ERC1: variants seen among roughly 807,000 people sequenced by gnomAD.
The protein encoded by ERC1 is RAB6 interacting protein 2.
Under a neutral mutation model 132.0 loss-of-function variants are expected in ERC1, and 56 were observed. That is an observed-to-expected ratio of 0.42 (90% CI 0.34 to 0.53). ERC1 has a LOEUF of 0.53. Among genes scored for constraint, ERC1 ranks in the 20% least tolerant of loss-of-function variants. The pLI, the probability that ERC1 is intolerant of heterozygous loss-of-function variation, is 0.03. For synonymous variants in ERC1, 478 were observed against 476.1 expected, an observed-to-expected ratio of 1.00 and a Z score of -0.05; for missense variants, 1,202 against 1,349.9, an observed-to-expected ratio of 0.89 and a Z score of 1.72.
intron 8 of ERC1, among the ~76,000 whole-genome samples, chr12:1,151,298 A>G (rs1051474708): frequency 6.6e-6 from 1 of 152,220 alleles, no homozygotes; most frequent in African/African-American, 2.4e-5. Flanking sequence ...TTAAGGTTGT[A>G]TGAATTTATT....
At chr12:1,401,999 TGAGAAA>T (rs917581756) in intron 16 of ERC1, among the ~76,000 whole-genome samples, 5 of 152,106 alleles carry the variant, frequency 3.3e-5, no homozygotes, top group African/African-American at 7.2e-5. Context: ...ATAGGAGTTT[TGAGAAA>T]GACCATAGGG....
chr12:1,022,676 T>C (rs1313712327), intron 1 of ERC1, among the ~76,000 whole-genome samples: 2 of 152,162 alleles, frequency 1.3e-5, no homozygotes, highest in Non-Finnish European at 2.9e-5. Context: ...TTTTATTTTT[T>C]CTTTTTTGAG....
chr12:1,452,320 G>C (rs543246260), intron 18 of ERC1, among the ~76,000 whole-genome samples: 5 of 152,046 alleles, frequency 3.3e-5, no homozygotes, highest in South Asian at 4.2e-4. Flanking sequence ...TGGTTGGTTG[G>C]TTGATATACC....
intron 1 of ERC1, among the ~76,000 whole-genome samples, chr12:997,993 A>T (rs1024312946): frequency 1.3e-5 from 2 of 152,178 alleles, no homozygotes; most frequent in Admixed American, 1.3e-4. Flanking sequence ...TGTTATCATC[A>T]TTTAAACTTT....
intron 12 of ERC1, among the ~76,000 whole-genome samples, chr12:1,198,107 T>G (rs1956514033): frequency 6.6e-6 from 1 of 151,946 alleles, no homozygotes; most frequent in South Asian, 2.1e-4. Flanking sequence ...TGTATTTTTT[T>G]TGTAGAGATG....
At chr12:1,400,501 A>G (rs113852215) in intron 16 of ERC1, among the ~76,000 whole-genome samples, 278 of 152,110 alleles carry the variant, frequency 1.8e-3, no homozygotes, top group African/African-American at 6.1e-3. Flanking sequence ...TGCCTAACCC[A>G]GGCCTCAAAG....
chr12:1,265,707 A>C (rs1396965547), intron 14 of ERC1, among the ~76,000 whole-genome samples: 1 of 152,148 alleles, frequency 6.6e-6, no homozygotes, highest in African/African-American at 2.4e-5. Flanking sequence ...TTAAAGTATC[A>C]TGCCCCACCG....
intron 15 of ERC1, among the ~76,000 whole-genome samples, chr12:1,315,896 CATTT>C (rs1184614609): frequency 2.0e-5 from 3 of 151,342 alleles, no homozygotes; most frequent in Non-Finnish European, 2.9e-5. Flanking sequence ...AAATGGTAAA[CATTT>C]TTTTTTTTTG....
intron 15 of ERC1, among the ~76,000 whole-genome samples, chr12:1,311,877 A>G (rs1235353612): frequency 3.9e-5 from 6 of 152,228 alleles, no homozygotes; most frequent in Admixed American, 6.5e-5. Context: ...GAAATTTGAT[A>G]AAATTTGAGC....
chr12:1,078,650 A>G (rs1941713027), intron 2 of ERC1, among the ~76,000 whole-genome samples: 1 of 152,166 alleles, frequency 6.6e-6, no homozygotes, highest in African/African-American at 2.4e-5. Context: ...CAGACTTGGA[A>G]AAATATTTGT....
rs138640180 is a variant in ERC1 at position 1,404,664 on chromosome 12, TTTTA to T, written c.2926-3481_2926-3478del. On this transcript the variant is annotated intron_variant, in intron 16 of 18. Coordinates refer to ENST00000360905, the MANE Select transcript of ERC1 (RefSeq NM_178040.4). ...TCGTTATTTTCTTTTTATTTTCAAC[TTTTA>T]TTTTAGATTCGGGGGATGCATACAC... is the stretch of plus-strand genomic sequence containing the variant. Among the ~76,000 whole-genome samples the T allele has an allele frequency of 8.3e-3, 1,265 of 152,240 alleles. 21 individuals are homozygous for T. The highest frequency in any genetic ancestry group is 0.03 in the African/African-American group (1,233 of 41,530).
rs563850203 is a variant in ERC1 at position 1,060,175 on chromosome 12, C to CTT, written c.670-22980_670-22979dup. Among the ~76,000 whole-genome samples, 194 of 144,266 alleles carry CTT rather than the reference C, an allele frequency of 1.3e-3. 2 individuals are homozygous for CTT. Among genetic ancestry groups the CTT allele is most frequent in the Non-Finnish European group, 2.2e-3 (144 of 65,480 alleles). 94.6% of individuals were successfully genotyped at this position (144,266 alleles called of 152,430 possible). On this transcript the variant is annotated intron_variant, in intron 2 of 18. Coordinates refer to ENST00000360905, the MANE Select transcript of ERC1 (RefSeq NM_178040.4). ...TCATGGTGGGAGGCAAAGGCCACTTCTTTTTTTTTTACTATTATACTTTAA... is the reference window on the plus strand; with the variant it reads ...TCATGGTGGGAGGCAAAGGCCACTTCTTTTTTTTTTTTACTATTATACTTTAA...
intron 18 of ERC1, chr12:1,480,798 G>A (rs1232068728): frequency 1.4e-6 from 1 of 702,192 alleles, no homozygotes; most frequent in South Asian, 1.5e-5. Context: ...ACCTTTTAGG[G>A]GAAGTTTCAG....
intron 15 of ERC1, among the ~76,000 whole-genome samples, chr12:1,338,737 A>G (rs2083522061): frequency 6.6e-6 from 1 of 151,244 alleles, no homozygotes; most frequent in Non-Finnish European, 1.5e-5. Flanking sequence ...CTTTTACACT[A>G]TTTGATGACC....
Position 1,490,432 on chromosome 12 carries a change from T to A in ERC1, c.*202T>A. 1 of 576,024 alleles carries A rather than the reference T, an allele frequency of 1.7e-6. No homozygotes were observed. The highest frequency in any genetic ancestry group is 3.1e-6 in the Non-Finnish European group (1 of 326,134). 35.7% of individuals were successfully genotyped at this position (576,024 alleles called of 1,614,324 possible). On this transcript the variant is annotated 3_prime_UTR_variant, in exon 19 of 19. Transcript: ENST00000360905. ...TCTGCTTTGGATGTGGTCTCTACACTAACCTTCTTGATGTCCAGGGTAGAT... is the reference window on the plus strand; with the variant it reads ...TCTGCTTTGGATGTGGTCTCTACACAAACCTTCTTGATGTCCAGGGTAGAT...
intron 1 of ERC1, among the ~76,000 whole-genome samples, chr12:1,017,521 G>C (rs190392571): frequency 7.2e-6 from 1 of 139,548 alleles, no homozygotes; most frequent in Non-Finnish European, 1.5e-5. Context: ...TTTTTGAGAC[G>C]GTGTCTTGCT....
At chr12:1,284,265 CGTGTGTGTGTGTGT>C (rs71055142) in intron 14 of ERC1, among the ~76,000 whole-genome samples, 2,961 of 140,186 alleles carry the variant, frequency 0.021, 49 homozygotes, top group South Asian at 0.084. Flanking sequence ...GAATAGTATT[CGTGTGTGTGTGTGT>C]GTGTGTGTGT....
chr12:1,244,767 C>A, intron 13 of ERC1: 1 of 284,406 alleles, frequency 3.5e-6, no homozygotes, highest in Non-Finnish European at 7.1e-6. Context: ...GATCTGCCTG[C>A]CTCGGCCTCT....
chr12:1,280,710 A>C (rs1176836080), intron 14 of ERC1, among the ~76,000 whole-genome samples: 1 of 152,210 alleles, frequency 6.6e-6, no homozygotes, highest in Non-Finnish European at 1.5e-5. Flanking sequence ...ACACACACAC[A>C]CCAGACATGC....
Sources: allele counts gnomAD v4.1 joint callset (sites outside exome capture counted in the v4.1 genomes callset), GRCh38; gene constraint gnomAD v4.1.1; transcripts MANE v1.5; gene names NCBI Gene and HGNC (gene_info 2026-07-23, HGNC 2026-07-21).